CRYZL1: variants seen among roughly 807,000 people sequenced by gnomAD.
CRYZL1 encodes ferry endosomal RAB5 effector complex subunit 4.
In CRYZL1, 34 loss-of-function variants were observed where a neutral mutation model predicts 50.6. The observed-to-expected ratio is 0.67, with a 90% CI of 0.51 to 0.89. The LOEUF is 0.89. Among genes scored for constraint, CRYZL1 ranks in the 40% least tolerant of loss-of-function variants. The pLI, the probability that CRYZL1 is intolerant of heterozygous loss-of-function variation, is 0.00. For missense variants in CRYZL1, 354 were observed against 402.3 expected, an observed-to-expected ratio of 0.88 and a Z score of 1.03; for synonymous variants, 125 against 134.3, an observed-to-expected ratio of 0.93 and a Z score of 0.48.
intron 2 of CRYZL1, among the ~76,000 whole-genome samples, chr21:33,625,480 CT>C (rs1391541505): frequency 6.6e-6 from 1 of 151,444 alleles, no homozygotes. Context: ...TTAGAATTTC[CT>C]TTTTTTGTTG....
chr21:33,595,636 T>G (rs2086685803), intron 11 of CRYZL1, 95 bp downstream of exon 11: 2 of 1,551,120 alleles, frequency 1.3e-6, no homozygotes, highest in Non-Finnish European at 1.8e-6. Flanking sequence ...TTAAGGAAAC[T>G]TAACTGCTAT....
intron 2 of CRYZL1, among the ~76,000 whole-genome samples, chr21:33,628,595 ATTTC>A (rs980829931): frequency 3.9e-5 from 5 of 129,464 alleles, no homozygotes; most frequent in Admixed American, 8.6e-5. Context: ...TGCCTTCTTA[ATTTC>A]TTTCTTTTTT....
At chr21:33,615,911 A>G (rs1030986083) in intron 5 of CRYZL1, among the ~76,000 whole-genome samples, 1 of 152,192 alleles carries the variant, frequency 6.6e-6, no homozygotes, top group South Asian at 2.1e-4. Flanking sequence ...TTTATCTATA[A>G]AACTGTTCTA....
intron 12 of CRYZL1, 69 bp downstream of exon 12, chr21:33,591,093 G>A (rs998313121): frequency 1.8e-6 from 2 of 1,119,940 alleles, no homozygotes; most frequent in African/African-American, 3.1e-5. Flanking sequence ...ACAAAAGTGG[G>A]ACTGCCTGCC....
At chr21:33,617,674 TC>T (rs2086949619) in intron 4 of CRYZL1, among the ~76,000 whole-genome samples, 1 of 151,856 alleles carries the variant, frequency 6.6e-6, no homozygotes, top group South Asian at 2.1e-4. Flanking sequence ...GGGTACGTGA[TC>T]GGGGGCTGCA....
intron 6 of CRYZL1, among the ~76,000 whole-genome samples, chr21:33,608,437 A>G (rs1422010674): frequency 6.6e-6 from 1 of 152,218 alleles, no homozygotes. Context: ...CCTGGGCAAT[A>G]AGAGCAAAAC....
intron 1 of CRYZL1, among the ~76,000 whole-genome samples, chr21:33,640,992 G>T (rs1200648264): frequency 6.6e-6 from 1 of 152,154 alleles, no homozygotes; most frequent in Non-Finnish European, 1.5e-5. Context: ...AATTTCACGT[G>T]TTTCTTTTCA....
At chr21:33,609,859 C>T (rs564841130) in intron 6 of CRYZL1, among the ~76,000 whole-genome samples, 141 of 151,942 alleles carry the variant, frequency 9.3e-4, no homozygotes, top group Middle Eastern at 3.4e-3. Flanking sequence ...CCTGCCACCA[C>T]GCCCGGCTAA....
intron 2 of CRYZL1, among the ~76,000 whole-genome samples, chr21:33,627,064 T>C (rs553773870): frequency 3.4e-4 from 52 of 152,344 alleles, no homozygotes; most frequent in Non-Finnish European, 6.5e-4. Context: ...AACCTGGAGA[T>C]GTTTCTTCCC....
At chr21:33,614,155 G>C (rs1442312103) in intron 5 of CRYZL1, among the ~76,000 whole-genome samples, 3 of 145,666 alleles carry the variant, frequency 2.1e-5, no homozygotes, top group African/African-American at 7.7e-5. Flanking sequence ...CCGGCCGACA[G>C]TGCGAGACTC....
At chr21:33,636,859 T>C (rs2087212350) in intron 1 of CRYZL1, among the ~76,000 whole-genome samples, 1 of 152,160 alleles carries the variant, frequency 6.6e-6, no homozygotes, top group South Asian at 2.1e-4. Flanking sequence ...CAGGCTAGAG[T>C]GCAGTGGCGC....
chr21:33,596,193 T>A (rs1423198444), intron 10 of CRYZL1: 1 of 496,296 alleles, frequency 2.0e-6, no homozygotes, highest in Admixed American at 2.3e-5. Context: ...AATATGTAAC[T>A]AGAATGCTGA....
At chr21:33,591,372 C>T in intron 11 of CRYZL1, 165 bp from the exon 12 acceptor site, 1 of 625,312 alleles carries the variant, frequency 1.6e-6, no homozygotes, top group Non-Finnish European at 2.8e-6. Context: ...AAGTTTAGCT[C>T]TACAACAGGG....
At chr21:33,620,028 C>T (rs1383215573) in intron 4 of CRYZL1, among the ~76,000 whole-genome samples, 2 of 152,126 alleles carry the variant, frequency 1.3e-5, no homozygotes, top group Non-Finnish European at 2.9e-5. Context: ...GAGTTCGTTT[C>T]ACTTATATCC....
intron 11 of CRYZL1, among the ~76,000 whole-genome samples, chr21:33,593,854 G>T (rs1404309665): frequency 6.6e-6 from 1 of 151,542 alleles, no homozygotes; most frequent in Admixed American, 6.6e-5. Context: ...GCGTGGTGGC[G>T]CATGTCTGTA....
At chr21:33,598,579 C>T (rs1254835372) in intron 9 of CRYZL1, among the ~76,000 whole-genome samples, 2 of 152,164 alleles carry the variant, frequency 1.3e-5, no homozygotes, top group Admixed American at 6.6e-5. Context: ...ACTATCCAAT[C>T]GAAGGCAGCC....
chr21:33,589,890 C>T lies in CRYZL1; in HGVS notation c.982G>A (p.Glu328Lys), dbSNP rs2086624649. The T allele has an allele frequency of 6.2e-7, 1 of 1,610,684 alleles. No homozygotes were observed. Among genetic ancestry groups the T allele is most frequent in the Non-Finnish European group, 8.5e-7 (1 of 1,178,668 alleles). ...ACAGCTTCCATGGAAACTTTTGCCT[C>T]ATACAGTGGAATGGGTTCATCCAAC... is the stretch of plus-strand genomic sequence containing the variant. ...PQLDEPIPLYEAKVSMEAVQK... is the reference protein window; with the variant it reads ...PQLDEPIPLYKAKVSMEAVQK... The change falls in exon 13 of 13, where the codon GAG becomes AAG. Residue 328 changes from glutamate to lysine, a missense_variant. Physicochemically the swap from Glu to Lys is moderately conservative, Grantham distance 56 (BLOSUM62 1). Transcript: ENST00000381554.
intron 4 of CRYZL1, among the ~76,000 whole-genome samples, chr21:33,621,365 G>C (rs2086999001): frequency 2.7e-5 from 4 of 149,114 alleles, no homozygotes; most frequent in Admixed American, 1.3e-4. Context: ...TTTTGAGACA[G>C]AGTCTCGCAC....
chr21:33,635,592 G>C (rs998928848), intron 1 of CRYZL1, among the ~76,000 whole-genome samples: 3 of 151,614 alleles, frequency 2.0e-5, no homozygotes, highest in African/African-American at 7.2e-5. Context: ...CTGACCTTGT[G>C]ATCCGCCTGC....
Sources: gnomAD v4.1 joint callset for allele counts (sites outside exome capture counted in the v4.1 genomes callset) on GRCh38, gnomAD v4.1.1 for gene constraint, MANE v1.5 for transcripts, NCBI Gene and HGNC (gene_info 2026-07-23, HGNC 2026-07-21) for gene names.